The following LIN7A variants were observed in gnomAD, a reference collection of about 807,000 sequenced individuals.
The protein encoded by LIN7A is protein lin-7 homolog A.
Under a neutral mutation model 29.8 loss-of-function variants are expected in LIN7A, and 25 were observed. That is an observed-to-expected ratio of 0.84 (90% CI 0.61 to 1.17). LIN7A has a LOEUF of 1.17. Among genes scored for constraint, LIN7A ranks in the 50% most tolerant of loss-of-function variants. The pLI is 0.00. For synonymous variants in LIN7A, 118 were observed against 107.5 expected (o/e 1.10, Z -0.60); for missense variants, 239 against 287.0 (o/e 0.83, Z 1.21).
chr12:80,889,466 C>T (rs185500737), intron 1 of LIN7A, 97 bp from the exon 2 acceptor site: 6 of 757,060 alleles, frequency 7.9e-6, no homozygotes, highest in Non-Finnish European at 1.3e-5. Context: ...CATTGAAAAG[C>T]AAGTGGACTT....
At chr12:80,908,986 A>G (rs1876620434) in intron 1 of LIN7A, among the ~76,000 whole-genome samples, 1 of 152,036 alleles carries the variant, frequency 6.6e-6, no homozygotes, top group Non-Finnish European at 1.5e-5. Flanking sequence ...TTTTTAATTT[A>G]TCATCCTTTT....
intron 1 of LIN7A, among the ~76,000 whole-genome samples, chr12:80,914,482 C>T (rs1033411571): frequency 2.6e-5 from 4 of 152,216 alleles, no homozygotes; most frequent in African/African-American, 9.6e-5. Context: ...TTAATAAATA[C>T]ACCAGTCAGA....
intron 1 of LIN7A, among the ~76,000 whole-genome samples, chr12:80,924,990 T>A (rs2120908475): frequency 6.6e-6 from 1 of 152,316 alleles, no homozygotes; most frequent in East Asian, 1.9e-4. Flanking sequence ...AGAATAAATG[T>A]AGGAAATTTT....
At chr12:80,805,510 C>G (rs374632209) in intron 5 of LIN7A, among the ~76,000 whole-genome samples, 43 of 152,158 alleles carry the variant, frequency 2.8e-4, no homozygotes, top group African/African-American at 1.0e-3. Context: ...AATGAATTCT[C>G]CACCCTAGAT....
At chr12:80,935,113 C>G (rs1232316169) in intron 1 of LIN7A, among the ~76,000 whole-genome samples, 2 of 152,138 alleles carry the variant, frequency 1.3e-5, no homozygotes, top group African/African-American at 2.4e-5. Context: ...TTTACTTACA[C>G]CAACTTAACA....
chr12:80,872,280 G>A (rs1013884019), intron 2 of LIN7A, among the ~76,000 whole-genome samples: 1 of 152,068 alleles, frequency 6.6e-6, no homozygotes, highest in African/African-American at 2.4e-5. Flanking sequence ...CTTAAGTCAT[G>A]GAGATCTTGA....
At chr12:80,918,731 A>T (rs972665140) in intron 1 of LIN7A, among the ~76,000 whole-genome samples, 1 of 152,180 alleles carries the variant, frequency 6.6e-6, no homozygotes, top group East Asian at 1.9e-4. Context: ...CATATTAGAG[A>T]CTCACTTAAA....
chr12:80,906,668 G>T (rs1239606598), intron 1 of LIN7A, among the ~76,000 whole-genome samples: 1 of 152,084 alleles, frequency 6.6e-6, no homozygotes, highest in African/African-American at 2.4e-5. Context: ...TGGCCTTCCT[G>T]AGGGTGCAGG....
At chr12:80,855,730 A>G (rs1364350425) in intron 2 of LIN7A, among the ~76,000 whole-genome samples, 2 of 152,164 alleles carry the variant, frequency 1.3e-5, no homozygotes, top group Admixed American at 6.5e-5. Flanking sequence ...TGCAAAATTA[A>G]GTGCCCTGAT....
chr12:80,916,593 T>C (rs1231492387), intron 1 of LIN7A, among the ~76,000 whole-genome samples: 8 of 152,210 alleles, frequency 5.3e-5, no homozygotes, highest in Non-Finnish European at 1.2e-4. Flanking sequence ...GTGTCTGTTG[T>C]ATTCACTGCT....
chr12:80,928,519 C>A (rs1467401378), intron 1 of LIN7A, among the ~76,000 whole-genome samples: 1 of 152,156 alleles, frequency 6.6e-6, no homozygotes, highest in Non-Finnish European at 1.5e-5. Context: ...CTGTTCATAT[C>A]TTTTTCCCAT....
chr12:80,929,882 A>G (rs1372616050), intron 1 of LIN7A, among the ~76,000 whole-genome samples: 2 of 152,098 alleles, frequency 1.3e-5, no homozygotes, highest in African/African-American at 2.4e-5. Context: ...AATTTTCCTC[A>G]AAAATCACTT....
At chr12:80,929,025 T>A (rs558579915) in intron 1 of LIN7A, among the ~76,000 whole-genome samples, 1 of 152,310 alleles carries the variant, frequency 6.6e-6, no homozygotes, top group South Asian at 2.1e-4. Flanking sequence ...GTTTTATATT[T>A]AATTTTCCAG....
At chr12:80,901,275 TTAGATGCAGC>T (rs1876200007) in intron 1 of LIN7A, among the ~76,000 whole-genome samples, 1 of 152,184 alleles carries the variant, frequency 6.6e-6, no homozygotes, top group African/African-American at 2.4e-5. Context: ...TCAATTGATT[TTAGATGCAGC>T]TAGGTGAAAA....
intron 5 of LIN7A, among the ~76,000 whole-genome samples, chr12:80,798,196 A>G (rs777120647): frequency 6.6e-6 from 1 of 152,162 alleles, no homozygotes; most frequent in Non-Finnish European, 1.5e-5. Context: ...GGTCAGCCTG[A>G]CACCACATGA....
At chr12:80,831,374 C>G (rs539602512) in intron 4 of LIN7A, among the ~76,000 whole-genome samples, 1 of 152,220 alleles carries the variant, frequency 6.6e-6, no homozygotes, top group African/African-American at 2.4e-5. Context: ...AAAACAAAGA[C>G]AGCTAAAGTT....
At chr12:80,832,672 A>T (rs1396281300) in intron 4 of LIN7A, 1 of 441,806 alleles carries the variant, frequency 2.3e-6, no homozygotes, top group Non-Finnish European at 4.5e-6. Context: ...CCATCCCTTC[A>T]ACTCTACTCT....
intron 1 of LIN7A, among the ~76,000 whole-genome samples, chr12:80,893,752 C>T (rs532345450): frequency 2.4e-4 from 36 of 152,278 alleles, no homozygotes; most frequent in African/African-American, 7.0e-4. Flanking sequence ...AACTTGGTGA[C>T]CCGCTTGCCC....
intron 4 of LIN7A, chr12:80,832,563 G>A (rs1334586324): frequency 2.1e-6 from 1 of 477,872 alleles, no homozygotes; most frequent in East Asian, 6.5e-5. Flanking sequence ...GAAGGAGCCT[G>A]GACTTACCAT....
Sources: allele counts gnomAD v4.1 joint callset (sites outside exome capture counted in the v4.1 genomes callset), GRCh38; gene constraint gnomAD v4.1.1; transcripts MANE v1.5; gene names NCBI Gene and HGNC (gene_info 2026-07-23, HGNC 2026-07-21).